Variants in KDM4A observed in about 807,000 individuals in gnomAD.
KDM4A encodes the protein lysine demethylase 4A, also known as lysine-specific demethylase 4A.
In KDM4A, 23 loss-of-function variants were observed where a neutral mutation model predicts 127.1. That is an observed-to-expected ratio of 0.18 (90% CI 0.13 to 0.26). The LOEUF (loss-of-function observed/expected upper bound fraction) is 0.26. KDM4A is among the 10% of genes least tolerant of loss of function. The probability of loss-of-function intolerance (pLI) is 1.00; values close to 1 mark genes in which losing one functional copy is unlikely to be tolerated. For synonymous variants in KDM4A, 443 were observed against 466.5 expected (o/e 0.95, Z 0.65); for missense variants, 890 against 1,329.1 (o/e 0.67, Z 5.14).
Position 43,666,414 on chromosome 1 carries a change from G to A in KDM4A, c.674-38G>A, listed in dbSNP as rs751340327. 8 of 1,531,946 alleles carry A rather than the reference G, an allele frequency of 5.2e-6. 1 individual carries two copies. Among genetic ancestry groups the A allele is most frequent in the Middle Eastern group, 1.7e-4 (1 of 5,904 alleles). 94.9% of individuals were successfully genotyped at this position (1,531,946 alleles called of 1,614,324 possible). A position where few individuals can be genotyped will look rare whatever the true frequency, so the allele number is the denominator to read the frequency against. ...GACTCCAGGATTGCGGAGCTAGTGT[G>A]GAGCACTGTGTTAACCTGTACCCTT... On this transcript the variant is annotated intron_variant, in intron 6 of 21. Transcript: ENST00000372396.
chr1:43,691,694 T>G, intron 15 of KDM4A, 122 bp downstream of exon 15: 2 of 813,426 alleles, frequency 2.5e-6, no homozygotes, highest in Admixed American at 4.0e-5. Flanking sequence ...CGCGGTGATG[T>G]CAGAGAGCGA....
In KDM4A at chr1:43,688,834, A is replaced by G; in HGVS notation, c.1856-80A>G. Reference sequence around the variant, plus strand: ...GTCCAAACCTAGGATCAGGAGTCCTAGTGGAACTCATCTGTTCTCCAGGCA... The same window carrying G: ...GTCCAAACCTAGGATCAGGAGTCCTGGTGGAACTCATCTGTTCTCCAGGCA... On this transcript the variant is annotated intron_variant, in intron 12 of 21. Coordinates refer to ENST00000372396, the MANE Select transcript of KDM4A (RefSeq NM_014663.3). The surrounding 1 kb of genome is among the most constrained non-coding windows in gnomAD (Gnocchi z 4.4). The G allele has an allele frequency of 7.7e-7, 1 of 1,304,564 alleles. No individual in the cohort carries two copies. The highest frequency in any genetic ancestry group is 1.5e-5 in the African/African-American group (1 of 68,148). The allele number at this position is 1,304,564 out of a possible 1,614,324, so 80.8% of individuals were successfully genotyped here. A position where few individuals can be genotyped will look rare whatever the true frequency, so the allele number is the denominator to read the frequency against.
chr1:43,686,123 C>T (rs1013387479), intron 12 of KDM4A, among the ~76,000 whole-genome samples: 19 of 151,192 alleles, frequency 1.3e-4, no homozygotes, highest in African/African-American at 4.6e-4. Flanking sequence ...TAATACACAA[C>T]CTCTCCCCCT....
intron 11 of KDM4A, among the ~76,000 whole-genome samples, chr1:43,676,587 G>C (rs369822614): frequency 2.6e-5 from 4 of 152,232 alleles, no homozygotes; most frequent in East Asian, 1.9e-4. Flanking sequence ...CCAAAGTGAT[G>C]GGATTGCAGG....
At chr1:43,671,479 C>T (rs1557909578) in intron 10 of KDM4A, 26 bp from the exon 11 acceptor site, 3 of 1,506,948 alleles carry the variant, frequency 2.0e-6, no homozygotes, top group Middle Eastern at 1.8e-4. Flanking sequence ...GAACTTGGCT[C>T]TGTCTAATGT....
intron 13 of KDM4A, among the ~76,000 whole-genome samples, chr1:43,689,379 G>A (rs1053788521): frequency 6.6e-6 from 1 of 152,228 alleles, no homozygotes; most frequent in Admixed American, 6.5e-5. Flanking sequence ...CTGCATTTCT[G>A]TTATTCTAGT....
rs573420897 is a variant in KDM4A, at chr1:43,703,513, A to G, written c.2842-104A>G. The G allele has an allele frequency of 2.2e-4, 322 of 1,448,410 alleles. 2 individuals carry two copies. The South Asian group carries it at 2.4e-3, about 11-fold the overall frequency. The allele number at this position is 1,448,410 out of a possible 1,614,324, so 89.7% of individuals were successfully genotyped here. ...AGCCCAGAGAGCTGCCTTGCTCTCTAAAACAGTTACTTTGTCCTGGTTCAC... is the reference window on the plus strand; with the variant it reads ...AGCCCAGAGAGCTGCCTTGCTCTCTGAAACAGTTACTTTGTCCTGGTTCAC... On this transcript the variant is annotated intron_variant, in intron 19 of 21. Transcript: ENST00000372396.
chr1:43,664,504 C>T (rs150793200), intron 5 of KDM4A, among the ~76,000 whole-genome samples: 16 of 152,128 alleles, frequency 1.1e-4, no homozygotes, highest in African/African-American at 3.4e-4. Context: ...GTGATGAGGC[C>T]GGAGGGGACA....
intron 10 of KDM4A, 44 bp from the exon 11 acceptor site, chr1:43,671,461 T>A: frequency 6.7e-7 from 1 of 1,499,816 alleles, no homozygotes; most frequent in African/African-American, 1.4e-5. Context: ...GGTTCACATG[T>A]GCAGGAGGAA....
chr1:43,683,122 AGCT>A (rs1275558575), intron 11 of KDM4A, among the ~76,000 whole-genome samples: 1 of 152,266 alleles, frequency 6.6e-6, no homozygotes, highest in East Asian at 1.9e-4. Context: ...GAGAAGCAGC[AGCT>A]AACTGAGGAA....
chr1:43,690,800 A>C, intron 13 of KDM4A, 45 bp from the exon 14 acceptor site: 1 of 1,564,276 alleles, frequency 6.4e-7, no homozygotes, highest in African/African-American at 1.4e-5. Context: ...AGCTAAGAGC[A>C]TAGGCACGTG....
chr1:43,687,894 G>A (rs888052493), intron 12 of KDM4A, among the ~76,000 whole-genome samples: 1 of 152,114 alleles, frequency 6.6e-6, no homozygotes, highest in Admixed American at 6.5e-5. Context: ...GAAGTCTGAT[G>A]AGTTGTATGC....
chr1:43,695,456 C>A (rs1421967809), intron 18 of KDM4A, among the ~76,000 whole-genome samples: 1 of 152,110 alleles, frequency 6.6e-6, no homozygotes, highest in Non-Finnish European at 1.5e-5. Flanking sequence ...GCTTGAGAAA[C>A]AGAATGAACA....
At chr1:43,661,038 G>C (rs11590619) in intron 4 of KDM4A, among the ~76,000 whole-genome samples, 39,380 of 151,184 alleles carry the variant, frequency 0.26, 6,045 homozygotes, top group Non-Finnish European at 0.35. Context: ...GCAATGGCGC[G>C]ATCTCAGCTT....
Position 43,671,625 on chromosome 1 carries a change from T to C in KDM4A, c.1484T>C (p.Val495Ala). The change falls in exon 11 of 22, where the codon GTA becomes GCA. Residue 495 changes from valine (V) to alanine (A), a missense_variant. By Grantham distance (64) the Val-to-Ala change is moderately conservative. Coordinates refer to ENST00000372396, the MANE Select transcript of KDM4A (RefSeq NM_014663.3). ...ALDLSVNPAS[V>A]GGRLVFSGSK... Reference sequence around the variant, plus strand: ...GATCTTTCTGTGAATCCTGCGTCTGTAGGGGGACGCCTTGTCTTCTCAGGC... The same window carrying C: ...GATCTTTCTGTGAATCCTGCGTCTGCAGGGGGACGCCTTGTCTTCTCAGGC... The C allele has an allele frequency of 6.2e-7, 1 of 1,613,720 alleles. No individual in the cohort carries two copies. Among genetic ancestry groups the C allele is most frequent in the Non-Finnish European group, 8.5e-7 (1 of 1,179,816 alleles).
intron 3 of KDM4A, among the ~76,000 whole-genome samples, chr1:43,659,894 GGA>G (rs539073076): frequency 6.0e-4 from 91 of 152,316 alleles, no homozygotes; most frequent in African/African-American, 2.0e-3. Flanking sequence ...GAATGCTGTT[GGA>G]AAGCCTTAGC....
chr1:43,704,500 C>T lies in KDM4A; in HGVS notation c.*130C>T. The T allele has an allele frequency of 9.9e-7, 1 of 1,013,278 alleles. No individual in the cohort carries two copies. Among genetic ancestry groups the T allele is most frequent in the Non-Finnish European group, 1.5e-6 (1 of 686,958 alleles). The allele number at this position is 1,013,278 out of a possible 1,614,324, so 62.8% of individuals were successfully genotyped here. ...AAAAGAAAAGGAATGAAATAACCGA[C>T]CCATCATCTTCTCACCCACCCTCAT... On this transcript the variant is annotated 3_prime_UTR_variant, in exon 22 of 22. Coordinates refer to ENST00000372396, the MANE Select transcript of KDM4A (RefSeq NM_014663.3).
Position 43,704,782 on chromosome 1 carries a change from TGTGCGTGC to T in KDM4A, c.*428_*435del, listed in dbSNP as rs59753518. ...TTTTGTATTTATATGTGTGTGTGTG[TGTGCGTGC>T]GTGCGTGCGTGCGTGTATGTTTGGT... is the stretch of plus-strand genomic sequence containing the variant. On this transcript the variant is annotated 3_prime_UTR_variant, in exon 22 of 22. Coordinates refer to ENST00000372396, the MANE Select transcript of KDM4A (RefSeq NM_014663.3). The T allele has an allele frequency of 9.9e-5, 20 of 202,966 alleles. 1 individual carries two copies. Among genetic ancestry groups the T allele is most frequent in the South Asian group, 8.0e-4 (9 of 11,226 alleles). 12.6% of individuals were successfully genotyped at this position (202,966 alleles called of 1,614,324 possible).
chr1:43,654,727 GTGTGTGTGTGTGTT>G (rs1323687804), intron 2 of KDM4A, among the ~76,000 whole-genome samples: 1 of 136,646 alleles, frequency 7.3e-6, no homozygotes. Context: ...GTGTGTGTGT[GTGTGTGTGTGTGTT>G]GTTTTCTCCC....
Sources: gnomAD v4.1 joint callset for allele counts (sites outside exome capture counted in the v4.1 genomes callset) on GRCh38, gnomAD v4.1.1 for gene constraint, Gnocchi (gnomAD v3.1) non-coding constraint, MANE v1.5 for transcripts, NCBI Gene and HGNC (gene_info 2026-07-23, HGNC 2026-07-21) for gene names.